ATM: variants seen among roughly 807,000 people sequenced by gnomAD.
The protein encoded by ATM is ATM serine/threonine kinase.
In ATM, 308 loss-of-function variants were observed where a neutral mutation model predicts 387.0. The observed-to-expected ratio is 0.80, with a 90% CI of 0.73 to 0.87. ATM has a LOEUF of 0.87. ATM is among the 40% of genes least tolerant of loss of function. ATM has a pLI of 0.00. For missense variants in ATM, 3,312 were observed against 3,560.9 expected (o/e 0.93, Z 1.78); for synonymous variants, 1,156 against 1,187.3 (o/e 0.97, Z 0.54).
chr11:108,244,641 T>G, intron 6 of ATM, 147 bp from the exon 7 acceptor site: 1 of 742,084 alleles, frequency 1.3e-6, no homozygotes, highest in Non-Finnish European at 2.3e-6. Context: ...TGATTTTTTT[T>G]TTTAATGAAT....
At chr11:108,327,415 A>G (rs1449478106) in intron 47 of ATM, 2 of 476,824 alleles carry the variant, frequency 4.2e-6, no homozygotes, top group Non-Finnish European at 7.6e-6. Context: ...AGTACTCAAT[A>G]AATGTGACTT....
intron 45 of ATM, among the ~76,000 whole-genome samples, chr11:108,324,166 A>G (rs639923): frequency 0.03 from 4,577 of 152,240 alleles, 112 homozygotes; most frequent in Non-Finnish European, 0.045. Flanking sequence ...ACATTCTCCT[A>G]TTACACGTAA....
chr11:108,229,461 A>C (rs2078906554), intron 4 of ATM, 138 bp downstream of exon 4: 3 of 832,386 alleles, frequency 3.6e-6, no homozygotes, highest in Non-Finnish European at 5.5e-6. Context: ...AGTTGAGTGT[A>C]AGTACATATA....
chr11:108,304,829 CA>C lies in ATM; in HGVS notation c.5653del (p.Thr1885ProfsTer32). ...LRHFSQTSRS[T>X]TPANLDSESE... ...CACTTCTCGCAAACGAGCCGATCCA[CA>C]ACCCCTGCAAACTTGGATTCAGGTA... On this transcript the variant is annotated frameshift_variant, in exon 37 of 63. Transcript: ENST00000675843. LOFTEE classifies it high-confidence loss of function. The C allele has an allele frequency of 6.2e-7, 1 of 1,614,098 alleles. No individual in the cohort carries two copies. Among genetic ancestry groups the C allele is most frequent in the East Asian group, 2.2e-5 (1 of 44,866 alleles).
In ATM at chr11:108,259,025, T is replaced by C. The variant is rs1591551376; in HGVS notation, c.2416T>C (p.Leu806=). 1.9e-6 allele frequency: 3 copies of C among 1,613,900 alleles called. No homozygotes were observed. Among genetic ancestry groups the C allele is most frequent in the Non-Finnish European group, 2.5e-6 (3 of 1,179,954 alleles). Residue 806 remains leucine, a synonymous_variant, in exon 16 of 63, where the codon TTG becomes CTG. Coordinates refer to ENST00000675843, the MANE Select transcript of ATM (RefSeq NM_000051.4). ...NKIASGFFLR[L]LTSKLMNDIA... is the part of the protein sequence containing the mutation. ...GATTGCATCTGGCTTTTTCCTGCGA[T>C]TGTTAACATCAAAGCTAATGAATGA...
chr11:108,252,414 C>T (rs751368752), intron 11 of ATM, among the ~76,000 whole-genome samples: 16 of 151,922 alleles, frequency 1.1e-4, no homozygotes, highest in Admixed American at 5.9e-4. Context: ...GGTGAGGAAA[C>T]GAGGAAGACA....
chr11:108,360,055 C>G (rs913868088), intron 61 of ATM, among the ~76,000 whole-genome samples: 1 of 151,134 alleles, frequency 6.6e-6, no homozygotes, highest in South Asian at 2.1e-4. Flanking sequence ...GCTAGCAAGA[C>G]TAATAAAGAA....
At chr11:108,299,197 G>T (rs931594316) in intron 33 of ATM, among the ~76,000 whole-genome samples, 2 of 152,018 alleles carry the variant, frequency 1.3e-5, no homozygotes, top group African/African-American at 4.8e-5. Context: ...GAGAACACAG[G>T]CAGAAAAAAA....
At chr11:108,243,874 ATATT>A in intron 5 of ATM, 75 bp from the exon 6 acceptor site, 1 of 1,295,124 alleles carries the variant, frequency 7.7e-7, no homozygotes. Context: ...GGATTATGGA[ATATT>A]TAAGTTAAAT....
chr11:108,292,517 A>G (rs762263869), intron 29 of ATM, 102 bp from the exon 30 acceptor site: 16 of 1,359,366 alleles, frequency 1.2e-5, no homozygotes, highest in Middle Eastern at 1.9e-4. Flanking sequence ...AAGGCATATA[A>G]GAATTAGAGA....
Position 108,335,800 on chromosome 11 carries a change from A to C in ATM, c.8152-45A>C, listed in dbSNP as rs573519307. 2.0e-6 allele frequency: 3 copies of C among 1,498,220 alleles called. No individual in the cohort carries two copies. In the Admixed American group the frequency reaches 5.1e-5, roughly 25 times the overall value. 92.8% of individuals were successfully genotyped at this position (1,498,220 alleles called of 1,614,324 possible). A position where few individuals can be genotyped will look rare whatever the true frequency, so the allele number is the denominator to read the frequency against. On this transcript the variant is annotated intron_variant, in intron 55 of 62. Coordinates refer to ENST00000675843, the MANE Select transcript of ATM (RefSeq NM_000051.4). ...TCTCAGATGACTCTGTGTTTTTATA[A>C]TAAAATAAACTGTACTTGTTTATTC...
At chr11:108,301,198 T>G (rs4988034) in intron 34 of ATM, among the ~76,000 whole-genome samples, 4,091 of 152,284 alleles carry the variant, frequency 0.027, 188 homozygotes, top group African/African-American at 0.093. Flanking sequence ...CTGAAACAGA[T>G]GCACAGAAAT....
intron 12 of ATM, 26 bp from the exon 13 acceptor site, chr11:108,253,788 A>G (rs1401584238): frequency 2.5e-6 from 4 of 1,569,742 alleles, no homozygotes; most frequent in African/African-American, 2.7e-5. Flanking sequence ...CTTGGTTTAT[A>G]TATTAAAGAT....
intron 61 of ATM, among the ~76,000 whole-genome samples, chr11:108,361,627 C>G (rs1254401500): frequency 6.6e-6 from 1 of 151,414 alleles, no homozygotes; most frequent in Non-Finnish European, 1.5e-5. Context: ...AGAACAGAGC[C>G]CTTAGAAATA....
intron 27 of ATM, among the ~76,000 whole-genome samples, chr11:108,288,444 A>G (rs1055995986): frequency 3.3e-5 from 5 of 150,018 alleles, no homozygotes; most frequent in Admixed American, 2.7e-4. Context: ...TGAGTTGTAT[A>G]TGAACATCAG....
At chr11:108,332,616 A>G (rs2086383787) in intron 52 of ATM, 146 bp from the exon 53 acceptor site, 1 of 860,504 alleles carries the variant, frequency 1.2e-6, no homozygotes, top group Non-Finnish European at 1.8e-6. Flanking sequence ...TTCATTTATG[A>G]CTGTTTTGTT....
intron 40 of ATM, among the ~76,000 whole-genome samples, chr11:108,313,850 A>G (rs1304448945): frequency 2.0e-5 from 3 of 152,194 alleles, no homozygotes; most frequent in African/African-American, 7.2e-5. Context: ...TCAATTTTCT[A>G]TGCAGTATAG....
intron 22 of ATM, among the ~76,000 whole-genome samples, chr11:108,278,560 G>A (rs1027779361): frequency 6.6e-6 from 1 of 152,144 alleles, no homozygotes; most frequent in Non-Finnish European, 1.5e-5. Context: ...ACAAAGAAAA[G>A]AGGTTTATTT....
At chr11:108,309,105 G>A (rs1350207854) in intron 38 of ATM, 1 of 1,243,916 alleles carries the variant, frequency 8.0e-7, no homozygotes, top group South Asian at 1.3e-5. Flanking sequence ...TAGAAAAACG[G>A]GTAAAGACAT....
Sources: gnomAD v4.1 joint callset for allele counts (sites outside exome capture counted in the v4.1 genomes callset) on GRCh38, gnomAD v4.1.1 for gene constraint, MANE v1.5 for transcripts, NCBI Gene and HGNC (gene_info 2026-07-23, HGNC 2026-07-21) for gene names.